FRY: variants seen among roughly 807,000 people sequenced by gnomAD.
FRY encodes FRY microtubule binding protein.
Under a neutral mutation model 348.4 loss-of-function variants are expected in FRY, and 128 were observed. That is an observed-to-expected ratio of 0.37 (90% CI 0.32 to 0.43). FRY has a LOEUF of 0.43. Among genes scored for constraint, FRY ranks in the 20% least tolerant of loss-of-function variants. The pLI is 1.00. For missense variants in FRY, 2,736 were observed against 3,695.2 expected, an observed-to-expected ratio of 0.74 and a Z score of 6.73; for synonymous variants, 1,370 against 1,374.7, an observed-to-expected ratio of 1.00 and a Z score of 0.08.
chr13:32,219,060 C>T (rs1241343045), intron 36 of FRY, among the ~76,000 whole-genome samples: 1 of 150,190 alleles, frequency 6.7e-6, no homozygotes, highest in Non-Finnish European at 1.5e-5. Flanking sequence ...ACCATCCACT[C>T]CTGTGTTTCT....
intron 1 of FRY, among the ~76,000 whole-genome samples, chr13:32,068,171 C>T (rs1435348476): frequency 4.0e-5 from 6 of 151,800 alleles, no homozygotes; most frequent in African/African-American, 1.2e-4. Flanking sequence ...AATTCAAGGT[C>T]TTGTCCAAAT....
At chr13:32,218,064 G>C (rs967695413) in intron 35 of FRY, among the ~76,000 whole-genome samples, 1 of 152,136 alleles carries the variant, frequency 6.6e-6, no homozygotes, top group East Asian at 1.9e-4. Context: ...TATGTACTTT[G>C]AGTTGTTTAA....
rs746703839 is a variant in FRY, at chr13:32,202,019, A to C, written c.3825A>C (p.Glu1275Asp). ...CTGACACCAACAGAGAGATTTATGA[A>C]ATCTCCATGCAGCTCATGCAGGCAC... ...KASDTNREIY[E>D]ISMQLMQILE... Residue 1275 changes from glutamate (E) to aspartate (D), a missense_variant, in exon 30 of 61, where the codon GAA (glutamate) becomes GAC (aspartate). This residue lies in a region of FRY where 794 missense variants were observed against 977.0 expected (regional missense o/e 0.81). Transcript: ENST00000542859. 1.8e-5 allele frequency: 28 copies of C among 1,594,718 alleles called. No homozygotes were observed. In the South Asian group the frequency reaches 3.1e-4, roughly 18 times the overall value.
intron 17 of FRY, among the ~76,000 whole-genome samples, chr13:32,165,104 T>C (rs563804659): frequency 2.4e-4 from 37 of 152,334 alleles, no homozygotes; most frequent in African/African-American, 7.9e-4. Context: ...GATAAGGACA[T>C]TGAATTTCAG....
intron 27 of FRY, among the ~76,000 whole-genome samples, chr13:32,186,790 C>T (rs1436256612): frequency 6.8e-6 from 1 of 146,816 alleles, no homozygotes; most frequent in Non-Finnish European, 1.5e-5. Context: ...AAATAAATTT[C>T]CCCCCAACTA....
intron 20 of FRY, among the ~76,000 whole-genome samples, 188 bp downstream of exon 20, chr13:32,175,820 C>G (rs1490925192): frequency 1.3e-5 from 2 of 152,124 alleles, no homozygotes. Flanking sequence ...AAATTTCACA[C>G]AAAATCTGGA....
In FRY at chr13:32,123,009, A is replaced by G. The variant is rs1399480373; in HGVS notation, c.465-1277A>G. 2.0e-5 allele frequency among the ~76,000 whole-genome samples: 3 copies of G among 152,212 alleles called. No individual in the cohort carries two copies. In the East Asian group the frequency reaches 5.8e-4, roughly 29 times the overall value. ...GGAGTCGAAAGACCTCTACAAGGAA[A>G]ACTACAAAACACTGCTGAAAGAAAT... On this transcript the variant is annotated intron_variant, in intron 4 of 60. Coordinates refer to ENST00000542859, the MANE Select transcript of FRY (RefSeq NM_023037.3).
At chr13:32,105,141 T>C (rs1877454614) in intron 3 of FRY, among the ~76,000 whole-genome samples, 1 of 152,216 alleles carries the variant, frequency 6.6e-6, no homozygotes, top group East Asian at 1.9e-4. Context: ...CCCTCCAAAA[T>C]TCAGCTGCTG....
At chr13:32,132,783 A>C (rs1173662633) in intron 8 of FRY, among the ~76,000 whole-genome samples, 1 of 152,220 alleles carries the variant, frequency 6.6e-6, no homozygotes, top group African/African-American at 2.4e-5. Flanking sequence ...AGTGGAAACA[A>C]CCCAAATGTC....
chr13:32,287,131 C>T (rs1399898633), intron 58 of FRY, among the ~76,000 whole-genome samples: 1 of 150,122 alleles, frequency 6.7e-6, no homozygotes, highest in Non-Finnish European at 1.5e-5. Flanking sequence ...TGCCACTGTA[C>T]TCCAGCCTGG....
At chr13:32,131,987 C>T (rs888581109) in intron 8 of FRY, 147 bp downstream of exon 8, 11 of 724,904 alleles carry the variant, frequency 1.5e-5, no homozygotes, top group Non-Finnish European at 2.8e-5. Flanking sequence ...TCCTTTGTAA[C>T]CAAATAGTAC....
intron 7 of FRY, among the ~76,000 whole-genome samples, chr13:32,126,317 C>T (rs868497930): frequency 6.6e-6 from 1 of 152,142 alleles, no homozygotes; most frequent in Non-Finnish European, 1.5e-5. Context: ...TTATGCATAA[C>T]AATAATATTG....
chr13:32,219,379 G>A (rs1369699010), intron 36 of FRY, among the ~76,000 whole-genome samples: 16 of 146,628 alleles, frequency 1.1e-4, no homozygotes, highest in Admixed American at 7.5e-4. Context: ...GTGAGCCACC[G>A]CGCCCGGCCG....
At chr13:32,103,669 A>G (rs1421907082) in intron 3 of FRY, among the ~76,000 whole-genome samples, 1 of 152,218 alleles carries the variant, frequency 6.6e-6, no homozygotes, top group East Asian at 1.9e-4. Flanking sequence ...ATAAGAAAAA[A>G]AAAGAATAAA....
intron 1 of FRY, among the ~76,000 whole-genome samples, chr13:32,043,559 A>C (rs1872859008): frequency 6.6e-6 from 1 of 152,216 alleles, no homozygotes; most frequent in South Asian, 2.1e-4. Flanking sequence ...AGACTCTAGG[A>C]TAAACACTAT....
At chr13:32,147,438 G>A in intron 12 of FRY, 53 bp downstream of exon 12, 1 of 996,646 alleles carries the variant, frequency 1.0e-6, no homozygotes. Flanking sequence ...ACTGCAGAGG[G>A]TGTTTCTTTT....
At chr13:32,247,608 C>G in intron 48 of FRY, 106 bp downstream of exon 48, 2 of 920,842 alleles carry the variant, frequency 2.2e-6, no homozygotes, top group Non-Finnish European at 3.5e-6. Flanking sequence ...ACAGTTATTT[C>G]AAATGAAGAT....
chr13:32,120,000 A>G (rs1878551628), intron 4 of FRY, among the ~76,000 whole-genome samples: 1 of 152,198 alleles, frequency 6.6e-6, no homozygotes, highest in African/African-American at 2.4e-5. Flanking sequence ...CTTAAATATC[A>G]CATTATTTTC....
chr13:32,049,782 G>A (rs576155346), intron 1 of FRY, among the ~76,000 whole-genome samples: 2 of 152,196 alleles, frequency 1.3e-5, no homozygotes, highest in South Asian at 4.2e-4. Flanking sequence ...AGTTGTCTGG[G>A]GTAGAATTGT....
Sources: allele counts gnomAD v4.1 joint callset (sites outside exome capture counted in the v4.1 genomes callset), GRCh38; gene constraint gnomAD v4.1.1; regional missense constraint gnomAD v4.1.1; transcripts MANE v1.5; gene names NCBI Gene and HGNC (gene_info 2026-07-23, HGNC 2026-07-21).